The following CYYR1 variants were observed in gnomAD, a reference collection of about 807,000 sequenced individuals.
CYYR1 encodes cysteine and tyrosine-rich protein 1.
In CYYR1, 14 loss-of-function variants were observed where a neutral mutation model predicts 15.2. The ratio of observed to expected loss-of-function variants is 0.92; its 90% CI spans 0.61 to 1.44. The LOEUF is 1.44. Among genes scored for constraint, CYYR1 ranks in the 40% most tolerant of loss-of-function variants. The pLI is 0.00. For missense variants in CYYR1, 228 were observed against 209.5 expected (o/e 1.09, Z -0.54); for synonymous variants, 80 against 77.4 (o/e 1.03, Z -0.18).
intron 2 of CYYR1, among the ~76,000 whole-genome samples, chr21:26,531,520 CA>C (rs773321220): frequency 3.5e-4 from 53 of 152,166 alleles, no homozygotes; most frequent in Non-Finnish European, 6.5e-4. Flanking sequence ...TTTAAAAGTG[CA>C]GCATTTTTCC....
Position 26,468,625 on chromosome 21 carries a change from G to A in CYYR1, c.344C>T (p.Pro115Leu), listed in dbSNP as rs767966797. 5.6e-6 allele frequency: 9 copies of A among 1,601,632 alleles called. No individual in the cohort carries two copies. The highest frequency in any genetic ancestry group is 7.7e-6 in the Non-Finnish European group (9 of 1,173,562). The part of the protein sequence containing the change: ...NTVSSYPAGP[P>L]PYGHDHEMEY... ...CATCTCGTGGTCGTGACCGTAGGGT[G>A]GTGGTCCTGCTGAAAAAGAAGGGGA... The change falls in exon 4 of 4, where the codon CCA (proline) becomes CTA (leucine). Residue 115 changes from proline (P) to leucine (L), a missense_variant. Physicochemically the swap from Pro to Leu is moderately conservative, Grantham distance 98 (BLOSUM62 -3). Transcript: ENST00000652641.
At chr21:26,473,124 A>G (rs1039566468) in intron 3 of CYYR1, among the ~76,000 whole-genome samples, 4 of 152,096 alleles carry the variant, frequency 2.6e-5, no homozygotes, top group African/African-American at 9.7e-5. Context: ...TTTGTACCAG[A>G]CATACCTCAA....
chr21:26,542,717 T>C (rs1978660704), intron 2 of CYYR1, among the ~76,000 whole-genome samples: 1 of 152,130 alleles, frequency 6.6e-6, no homozygotes, highest in Non-Finnish European at 1.5e-5. Flanking sequence ...TTTTTTTACA[T>C]AGAAAATCCT....
intron 2 of CYYR1, among the ~76,000 whole-genome samples, chr21:26,495,703 C>G (rs963545675): frequency 5.9e-5 from 9 of 152,172 alleles, no homozygotes; most frequent in Non-Finnish European, 5.9e-5. Flanking sequence ...GAACTGTTGA[C>G]GTGATCAAGA....
At chr21:26,558,385 A>G (rs1979953240) in intron 2 of CYYR1, among the ~76,000 whole-genome samples, 1 of 152,132 alleles carries the variant, frequency 6.6e-6, no homozygotes, top group Non-Finnish European at 1.5e-5. Context: ...GGGTCTTGCT[A>G]TGTTGTCCAG....
chr21:26,482,271 A>G (rs892972777), intron 2 of CYYR1: 44 of 964,092 alleles, frequency 4.6e-5, no homozygotes, highest in Admixed American at 6.2e-5. Flanking sequence ...ACAACTTACT[A>G]TTTTTAAACA....
At chr21:26,562,047 A>G (rs981293692) in intron 2 of CYYR1, among the ~76,000 whole-genome samples, 1 of 152,192 alleles carries the variant, frequency 6.6e-6, no homozygotes, top group Non-Finnish European at 1.5e-5. Context: ...ATCCCTTTCC[A>G]TATTCATCAC....
chr21:26,520,005 A>C (rs568997205), intron 2 of CYYR1, among the ~76,000 whole-genome samples: 1 of 151,810 alleles, frequency 6.6e-6, no homozygotes, highest in Admixed American at 6.6e-5. Context: ...GACGGATTGG[A>C]AAAAGAAAAT....
intron 2 of CYYR1, among the ~76,000 whole-genome samples, chr21:26,542,310 T>C (rs533363144): frequency 1.1e-3 from 162 of 151,624 alleles, no homozygotes; most frequent in African/African-American, 3.8e-3. Flanking sequence ...TGTGTGTGTG[T>C]GTGTGTGTGT....
intron 1 of CYYR1, among the ~76,000 whole-genome samples, chr21:26,570,971 T>A (rs1280298440): frequency 1.3e-5 from 2 of 152,246 alleles, no homozygotes; most frequent in Non-Finnish European, 2.9e-5. Context: ...AAATACTGAT[T>A]GATCTTTTTG....
intron 2 of CYYR1, among the ~76,000 whole-genome samples, chr21:26,519,544 G>A (rs986760450): frequency 6.6e-6 from 1 of 152,176 alleles, no homozygotes; most frequent in Non-Finnish European, 1.5e-5. Context: ...GGGCCAGGTC[G>A]TGGAGTAACT....
intron 2 of CYYR1, among the ~76,000 whole-genome samples, chr21:26,516,133 C>A (rs983558974): frequency 6.6e-6 from 1 of 152,130 alleles, no homozygotes; most frequent in African/African-American, 2.4e-5. Flanking sequence ...GGTGTATAAT[C>A]TGATTACCAG....
intron 2 of CYYR1, among the ~76,000 whole-genome samples, chr21:26,500,806 A>G (rs1211836925): frequency 6.6e-6 from 1 of 152,140 alleles, no homozygotes; most frequent in African/African-American, 2.4e-5. Flanking sequence ...GAAGTCTAAG[A>G]TGTTTACTGA....
chr21:26,511,652 A>T (rs1190877545), intron 2 of CYYR1, among the ~76,000 whole-genome samples: 1 of 152,238 alleles, frequency 6.6e-6, no homozygotes, highest in Admixed American at 6.5e-5. Flanking sequence ...GTGATAAAAG[A>T]GGAGCAAGTG....
intron 2 of CYYR1, among the ~76,000 whole-genome samples, chr21:26,492,112 G>T (rs375758870): frequency 1.3e-5 from 2 of 152,148 alleles, no homozygotes; most frequent in East Asian, 3.9e-4. Context: ...AGCTTCGTGC[G>T]CATTAAAATT....
chr21:26,476,585 C>CATCT (rs11450529), intron 3 of CYYR1, among the ~76,000 whole-genome samples: 31,966 of 143,592 alleles, frequency 0.22, 3,451 homozygotes, highest in South Asian at 0.24. Flanking sequence ...CCCTATCTAT[C>CATCT]ATCTATCTAT....
intron 3 of CYYR1, among the ~76,000 whole-genome samples, chr21:26,475,936 T>C (rs1445994278): frequency 6.6e-6 from 1 of 152,166 alleles, no homozygotes; most frequent in Non-Finnish European, 1.5e-5. Flanking sequence ...ATTTTTGATG[T>C]GTAAAGAAGT....
intron 2 of CYYR1, among the ~76,000 whole-genome samples, chr21:26,488,136 A>T (rs1318136186): frequency 6.6e-6 from 1 of 152,172 alleles, no homozygotes; most frequent in African/African-American, 2.4e-5. Flanking sequence ...TATTGACTCA[A>T]GCCCCATGAC....
At position 26,539,543 on chromosome 21, in the gene CYYR1, C is replaced by T. The variant is rs569601891; in HGVS notation, c.176+26723G>A. Among the ~76,000 whole-genome samples, 8 of 152,270 alleles carry T rather than the reference C, an allele frequency of 5.3e-5. No homozygotes were observed. The South Asian group carries it at 1.0e-3, about 20-fold the overall frequency. ...CTATTTTAAAGATATTTAATCCATA[C>T]TGTAGTTTTCATTCCCATTTTTGCA... On this transcript the variant is annotated intron_variant, in intron 2 of 3. Transcript: ENST00000652641.
Sources: gnomAD v4.1 joint callset for allele counts (sites outside exome capture counted in the v4.1 genomes callset) on GRCh38, gnomAD v4.1.1 for gene constraint, MANE v1.5 for transcripts, NCBI Gene and HGNC (gene_info 2026-07-23, HGNC 2026-07-21) for gene names.